NDUFAF2: variants seen among roughly 807,000 people sequenced by gnomAD.
NDUFAF2 encodes NADH:ubiquinone oxidoreductase complex assembly factor 2.
A neutral mutation model predicts 22.8 loss-of-function variants in NDUFAF2; 13 were observed. That is an observed-to-expected ratio of 0.57 (90% confidence interval 0.37 to 0.91). The LOEUF (loss-of-function observed/expected upper bound fraction) is 0.91. NDUFAF2 is among the 40% of genes least tolerant of loss of function. NDUFAF2 has a pLI of 0.01. For missense variants in NDUFAF2, 162 were observed against 195.2 expected, an observed-to-expected ratio of 0.83 and a Z score of 1.01; for synonymous variants, 53 against 64.2, an observed-to-expected ratio of 0.83 and a Z score of 0.84.
chr5:61,103,825 A>AT (rs1387997631), intron 3 of NDUFAF2, among the ~76,000 whole-genome samples: 2 of 152,044 alleles, frequency 1.3e-5, no homozygotes, highest in African/African-American at 4.8e-5. Flanking sequence ...TCAGCTTAGG[A>AT]TTTTTTAACT....
At chr5:60,960,784 T>C (rs957393644) in intron 1 of NDUFAF2, among the ~76,000 whole-genome samples, 1 of 152,222 alleles carries the variant, frequency 6.6e-6, no homozygotes, top group Admixed American at 6.5e-5. Context: ...TTTTTGCTTT[T>C]ATCTTTATTT....
At chr5:60,952,663 T>C (rs1375193981) in intron 1 of NDUFAF2, among the ~76,000 whole-genome samples, 1 of 152,150 alleles carries the variant, frequency 6.6e-6, no homozygotes, top group Non-Finnish European at 1.5e-5. Context: ...TCTATTTTGC[T>C]ATTTGGGGTT....
intron 1 of NDUFAF2, among the ~76,000 whole-genome samples, chr5:60,946,241 A>T (rs955598278): frequency 1.3e-5 from 2 of 152,038 alleles, no homozygotes; most frequent in African/African-American, 4.8e-5. Flanking sequence ...CTCAGCTTTG[A>T]CACCTGATAG....
At chr5:61,140,530 T>A (rs1741038092) in intron 3 of NDUFAF2, among the ~76,000 whole-genome samples, 1 of 152,216 alleles carries the variant, frequency 6.6e-6, no homozygotes, top group Non-Finnish European at 1.5e-5. Context: ...TAATTTCAGA[T>A]GAACAAGGGA....
chr5:61,007,933 A>C (rs1351221479), intron 1 of NDUFAF2, among the ~76,000 whole-genome samples: 2 of 152,184 alleles, frequency 1.3e-5, no homozygotes, highest in African/African-American at 4.8e-5. Flanking sequence ...CTGGATTAAG[A>C]AAATGTGGCA....
At chr5:60,948,063 A>G (rs1466633239) in intron 1 of NDUFAF2, among the ~76,000 whole-genome samples, 1 of 152,228 alleles carries the variant, frequency 6.6e-6, no homozygotes, top group Non-Finnish European at 1.5e-5. Context: ...CTGTGAAACC[A>G]TCAACACAGT....
At chr5:61,019,265 A>G (rs922039229) in intron 1 of NDUFAF2, among the ~76,000 whole-genome samples, 1 of 152,132 alleles carries the variant, frequency 6.6e-6, no homozygotes, top group African/African-American at 2.4e-5. Flanking sequence ...AGTACCCATC[A>G]TCATAGTGTT....
At chr5:60,983,860 C>T (rs1751028123) in intron 1 of NDUFAF2, among the ~76,000 whole-genome samples, 1 of 152,086 alleles carries the variant, frequency 6.6e-6, no homozygotes, top group African/African-American at 2.4e-5. Context: ...GTTCTTTTGG[C>T]TTAGGATTGT....
chr5:61,024,520 C>T (rs1039970256), intron 1 of NDUFAF2, among the ~76,000 whole-genome samples: 3 of 151,814 alleles, frequency 2.0e-5, no homozygotes, highest in Non-Finnish European at 2.9e-5. Flanking sequence ...TTATAAGACA[C>T]GTCATTTTCA....
intron 1 of NDUFAF2, among the ~76,000 whole-genome samples, chr5:60,953,870 C>CT (rs1561525938): frequency 1.3e-5 from 2 of 151,986 alleles, no homozygotes; most frequent in East Asian, 1.9e-4. Flanking sequence ...AATAGTAAAG[C>CT]TTTTTTTCAA....
chr5:61,136,005 T>TATATATATATA (rs1411594766), intron 3 of NDUFAF2, among the ~76,000 whole-genome samples: 1 of 96,052 alleles, frequency 1.0e-5, no homozygotes, highest in Non-Finnish European at 2.0e-5. Context: ...AAGCCTGTCT[T>TATATATATATA]TATATATATA....
intron 2 of NDUFAF2, among the ~76,000 whole-genome samples, chr5:61,082,361 A>G (rs1446479627): frequency 6.6e-6 from 1 of 152,064 alleles, no homozygotes; most frequent in Non-Finnish European, 1.5e-5. Context: ...GCCTCTTAAG[A>G]AGTTGGGACT....
intron 1 of NDUFAF2, among the ~76,000 whole-genome samples, chr5:61,052,262 G>C (rs542229096): frequency 2.2e-4 from 34 of 152,192 alleles, no homozygotes; most frequent in Middle Eastern, 3.4e-3. Flanking sequence ...CACTGGGTCT[G>C]TGTTGTTAAT....
chr5:61,100,411 A>G (rs1752692055), intron 3 of NDUFAF2, among the ~76,000 whole-genome samples: 1 of 152,024 alleles, frequency 6.6e-6, no homozygotes, highest in African/African-American at 2.4e-5. Context: ...GAACACACCA[A>G]GTCCTTCCAT....
intron 3 of NDUFAF2, among the ~76,000 whole-genome samples, chr5:61,113,448 C>A (rs1430094103): frequency 6.6e-6 from 1 of 152,102 alleles, no homozygotes; most frequent in East Asian, 1.9e-4. Context: ...TATGGTTTGG[C>A]TGTGTCCCCA....
At chr5:61,005,400 G>A (rs543681089) in intron 1 of NDUFAF2, among the ~76,000 whole-genome samples, 4 of 152,260 alleles carry the variant, frequency 2.6e-5, no homozygotes, top group East Asian at 1.9e-4. Context: ...GTAAACATAC[G>A]TGTGCATGTG....
chr5:60,960,797 G>A (rs970414579), intron 1 of NDUFAF2, among the ~76,000 whole-genome samples: 3 of 151,716 alleles, frequency 2.0e-5, no homozygotes, highest in African/African-American at 4.9e-5. Flanking sequence ...CTTTATTTCC[G>A]TTTAGGTGAC....
At chr5:61,081,829 C>G (rs1380397809) in intron 2 of NDUFAF2, among the ~76,000 whole-genome samples, 7 of 152,176 alleles carry the variant, frequency 4.6e-5, no homozygotes. Context: ...ATAAAAATGT[C>G]TGTAGTAAAA....
intron 1 of NDUFAF2, among the ~76,000 whole-genome samples, chr5:61,061,716 T>C (rs1580117962): frequency 1.3e-5 from 2 of 152,210 alleles, no homozygotes; most frequent in East Asian, 3.9e-4. Context: ...GGAACCCAAC[T>C]CTCCAGACAC....
Sources: allele counts gnomAD v4.1 joint callset (sites outside exome capture counted in the v4.1 genomes callset), GRCh38; gene constraint gnomAD v4.1.1; transcripts MANE v1.5; gene names NCBI Gene and HGNC (gene_info 2026-07-23, HGNC 2026-07-21).